STPG2: variants seen among roughly 807,000 people sequenced by gnomAD.
STPG2 encodes sperm tail PG-rich repeat containing 2.
STPG2 carries 56 observed loss-of-function variants against 54.2 expected under a neutral mutation model. That is an observed-to-expected ratio of 1.03 (90% CI 0.83 to 1.29). The LOEUF (loss-of-function observed/expected upper bound fraction) is 1.29. Among genes scored for constraint, STPG2 ranks in the 50% most tolerant of loss-of-function variants. The pLI is 0.00. For synonymous variants in STPG2, 200 were observed against 181.8 expected (o/e 1.10, Z -0.81); for missense variants, 596 against 544.9 (o/e 1.09, Z -0.93).
At chr4:98,128,676 C>T (rs1343301258) in intron 2 of STPG2, 84 bp from the exon 3 acceptor site, 12 of 1,092,346 alleles carry the variant, frequency 1.1e-5, no homozygotes, top group Non-Finnish European at 1.4e-5. Flanking sequence ...TACTAAAAGG[C>T]AACTATTAAA....
intron 6 of STPG2, among the ~76,000 whole-genome samples, chr4:97,978,303 T>C (rs1364182739): frequency 6.6e-6 from 1 of 152,116 alleles, no homozygotes; most frequent in Non-Finnish European, 1.5e-5. Flanking sequence ...ATAAAGAACA[T>C]ATACACCATG....
intron 10 of STPG2, among the ~76,000 whole-genome samples, chr4:97,668,555 C>T (rs1023525726): frequency 6.9e-6 from 1 of 145,188 alleles, no homozygotes; most frequent in Non-Finnish European, 1.5e-5. Context: ...AGCATGAATT[C>T]AAGAATAGCT....
intron 7 of STPG2, among the ~76,000 whole-genome samples, chr4:97,956,503 A>G (rs1352267456): frequency 6.6e-6 from 1 of 152,144 alleles, no homozygotes; most frequent in African/African-American, 2.4e-5. Flanking sequence ...CAGACCTACC[A>G]CAGAAATAAA....
At chr4:97,801,254 C>T (rs532548621) in intron 9 of STPG2, among the ~76,000 whole-genome samples, 1 of 152,304 alleles carries the variant, frequency 6.6e-6, no homozygotes, top group African/African-American at 2.4e-5. Flanking sequence ...ATGCAGTAAT[C>T]ACCCGTCTTC....
intron 8 of STPG2, among the ~76,000 whole-genome samples, chr4:97,846,418 A>G (rs1728950377): frequency 6.6e-6 from 1 of 151,956 alleles, no homozygotes; most frequent in Non-Finnish European, 1.5e-5. Flanking sequence ...CGAGATCAGG[A>G]GTTCGAGACC....
chr4:97,784,477 C>G (rs1055548572), intron 9 of STPG2, among the ~76,000 whole-genome samples: 1 of 151,752 alleles, frequency 6.6e-6, no homozygotes. Flanking sequence ...GGGAAAAAAT[C>G]ACTAAGGGAA....
chr4:97,474,978 A>C (rs1054972173), intron 4 of STPG2, among the ~76,000 whole-genome samples: 1 of 152,108 alleles, frequency 6.6e-6, no homozygotes, highest in East Asian at 1.9e-4. Context: ...AAGTTAATTC[A>C]TACAGCATTA....
At chr4:97,676,661 G>T (rs1365396508) in intron 10 of STPG2, among the ~76,000 whole-genome samples, 2 of 152,058 alleles carry the variant, frequency 1.3e-5, no homozygotes, top group Non-Finnish European at 2.9e-5. Context: ...TTTCAGTACT[G>T]CCACTAACTC....
At chr4:97,499,793 A>C (rs1195239040) in intron 4 of STPG2, among the ~76,000 whole-genome samples, 1 of 151,968 alleles carries the variant, frequency 6.6e-6, no homozygotes. Context: ...AGGCAGCAGA[A>C]ACAGCTAGTG....
At chr4:97,782,692 C>G (rs916575859) in intron 9 of STPG2, among the ~76,000 whole-genome samples, 1 of 152,090 alleles carries the variant, frequency 6.6e-6, no homozygotes, top group Non-Finnish European at 1.5e-5. Flanking sequence ...CTACAAGCCT[C>G]CAGTAACCAA....
intron 7 of STPG2, among the ~76,000 whole-genome samples, chr4:97,960,047 G>A (rs928289142): frequency 6.6e-6 from 1 of 152,068 alleles, no homozygotes; most frequent in Admixed American, 6.6e-5. Flanking sequence ...TTTAATATAT[G>A]CAAGTCAATA....
At chr4:97,853,077 C>T (rs543220370) in intron 8 of STPG2, among the ~76,000 whole-genome samples, 19 of 147,496 alleles carry the variant, frequency 1.3e-4, no homozygotes, top group Admixed American at 1.1e-3. Context: ...CCCGGGTTCA[C>T]GCCATTCCCC....
chr4:97,925,882 T>C (rs1382726631), intron 8 of STPG2, among the ~76,000 whole-genome samples: 1 of 152,162 alleles, frequency 6.6e-6, no homozygotes, highest in Non-Finnish European at 1.5e-5. Context: ...ATAAGATCTC[T>C]GCAAGCTTTC....
At chr4:98,141,091 G>A (rs998978801) in intron 1 of STPG2, among the ~76,000 whole-genome samples, 1 of 152,020 alleles carries the variant, frequency 6.6e-6, no homozygotes, top group African/African-American at 2.4e-5. Context: ...CCTATCTAAG[G>A]GGTCTAGGGA....
At chr4:97,678,465 C>T (rs1057036848) in intron 10 of STPG2, among the ~76,000 whole-genome samples, 14 of 152,046 alleles carry the variant, frequency 9.2e-5, no homozygotes, top group African/African-American at 2.9e-4. Context: ...AAGGTACCTA[C>T]TGATTATAAA....
intron 4 of STPG2, among the ~76,000 whole-genome samples, chr4:97,550,536 C>T (rs1263863499): frequency 6.6e-6 from 1 of 152,026 alleles, no homozygotes; most frequent in East Asian, 1.9e-4. Context: ...TATTTACTAC[C>T]TTGTATGGAA....
intron 4 of STPG2, among the ~76,000 whole-genome samples, chr4:97,476,447 T>C (rs2148817979): frequency 6.6e-6 from 1 of 152,272 alleles, no homozygotes; most frequent in South Asian, 2.1e-4. Flanking sequence ...TCTTTTTTCT[T>C]TTTGCCATAT....
intron 8 of STPG2, among the ~76,000 whole-genome samples, chr4:97,863,981 A>G (rs1729663716): frequency 6.6e-6 from 1 of 152,234 alleles, no homozygotes. Flanking sequence ...ACAAACCCAC[A>G]GCCCATATTA....
chr4:97,811,641 G>T lies in STPG2; in HGVS notation c.1204+29132C>A, dbSNP rs558461663. ...TCTAATATTACACTTCTAAAAAGCT[G>T]AATTTATACTCATGTCCTAAAGGAG... is the stretch of plus-strand genomic sequence containing the variant. On this transcript the variant is annotated intron_variant, in intron 9 of 10. Coordinates refer to ENST00000295268, the MANE Select transcript of STPG2 (RefSeq NM_174952.3). 1.5e-3 allele frequency among the ~76,000 whole-genome samples: 222 copies of T among 151,122 alleles called. 1 individual carries two copies. Among genetic ancestry groups the T allele is most frequent in the African/African-American group, 4.0e-3 (162 of 40,562 alleles).
Sources: gnomAD v4.1 joint callset for allele counts (sites outside exome capture counted in the v4.1 genomes callset) on GRCh38, gnomAD v4.1.1 for gene constraint, MANE v1.5 for transcripts, NCBI Gene and HGNC (gene_info 2026-07-23, HGNC 2026-07-21) for gene names.